The following ZNF536 variants were observed in gnomAD, a reference collection of about 807,000 sequenced individuals.
ZNF536 encodes zinc finger protein 536.
In ZNF536, 13 loss-of-function variants were observed where a neutral mutation model predicts 84.5. The observed-to-expected ratio is 0.15, with a 90% confidence interval of 0.10 to 0.24. The LOEUF (loss-of-function observed/expected upper bound fraction) is 0.24, where lower values mean the gene tolerates loss of function less well. ZNF536 is among the 10% of genes least tolerant of loss of function. The probability of loss-of-function intolerance (pLI) is 1.00; values close to 1 mark genes in which losing one functional copy is unlikely to be tolerated. For synonymous variants in ZNF536, 811 were observed against 742.5 expected (o/e 1.09, Z -1.50); for missense variants, 1,536 against 1,747.5 (o/e 0.88, Z 2.16).
At chr19:30,535,094 C>T (rs1003390605) in intron 3 of ZNF536, 95 bp downstream of exon 3, 78 of 1,420,204 alleles carry the variant, frequency 5.5e-5, no homozygotes, top group African/African-American at 8.6e-5. Context: ...CTGTGTGGGT[C>T]ACTAACTCTG....
intron 1 of ZNF536, among the ~76,000 whole-genome samples, chr19:30,678,168 C>T (rs2050825690): frequency 6.6e-6 from 1 of 152,218 alleles, no homozygotes. Context: ...CAAGGGGGTG[C>T]TGTCTTCAGG....
chr19:30,433,453 A>G (rs1171902864), intron 1 of ZNF536, among the ~76,000 whole-genome samples: 1 of 152,216 alleles, frequency 6.6e-6, no homozygotes, highest in East Asian at 1.9e-4. Context: ...GTCCCACTAT[A>G]TAGATCCTCT....
At chr19:30,297,333 G>A (rs2046030063) in intron 2 of ZNF536, among the ~76,000 whole-genome samples, 1 of 151,980 alleles carries the variant, frequency 6.6e-6, no homozygotes, top group Non-Finnish European at 1.5e-5. Context: ...GGTACGTGGG[G>A]GAAAGTTTAC....
intron 1 of ZNF536, among the ~76,000 whole-genome samples, chr19:30,414,259 C>A (rs1407336811): frequency 6.6e-6 from 1 of 151,874 alleles, no homozygotes; most frequent in African/African-American, 2.4e-5. Flanking sequence ...GAAACTGGTT[C>A]TCACATAAAG....
At position 30,405,958 on chromosome 19, in the gene ZNF536, C is replaced by T. The variant is rs565242802; in HGVS notation, c.-3+33402C>T. 4.8e-3 allele frequency among the ~76,000 whole-genome samples: 732 copies of T among 152,116 alleles called. 4 individuals carry two copies. Among genetic ancestry groups the T allele is most frequent in the African/African-American group, 0.017 (705 of 41,522 alleles). On this transcript the variant is annotated intron_variant, in intron 1 of 4. Transcript: ENST00000355537. ...ACACCCAGATAATTTTTGTATTTTTCGTAGAGACGGGATTTACCATGTTGT... is the reference window on the plus strand; with the variant it reads ...ACACCCAGATAATTTTTGTATTTTTTGTAGAGACGGGATTTACCATGTTGT...
chr19:30,429,606 T>C (rs1228017648), intron 1 of ZNF536, among the ~76,000 whole-genome samples: 1 of 152,098 alleles, frequency 6.6e-6, no homozygotes, highest in African/African-American at 2.4e-5. Context: ...CTTTTTCGAG[T>C]GAACAGTGCT....
intron 1 of ZNF536, among the ~76,000 whole-genome samples, chr19:30,619,259 T>C (rs543646837): frequency 6.6e-6 from 1 of 152,330 alleles, no homozygotes; most frequent in South Asian, 2.1e-4. Flanking sequence ...TTTGTTTGAT[T>C]GGTTTGATGG....
chr19:30,476,283 G>A (rs916937875), intron 2 of ZNF536, among the ~76,000 whole-genome samples: 3 of 152,162 alleles, frequency 2.0e-5, no homozygotes, highest in Non-Finnish European at 4.4e-5. Flanking sequence ...TTGGCCAGCC[G>A]TGGTGTTAAT....
intron 1 of ZNF536, among the ~76,000 whole-genome samples, chr19:30,612,359 C>A (rs1310044311): frequency 6.6e-6 from 1 of 152,170 alleles, no homozygotes; most frequent in South Asian, 2.1e-4. Flanking sequence ...GGACTCCATA[C>A]CCAACATTTC....
intron 2 of ZNF536, among the ~76,000 whole-genome samples, chr19:30,450,250 C>A (rs1308939413): frequency 6.6e-6 from 1 of 152,084 alleles, no homozygotes; most frequent in African/African-American, 2.4e-5. Context: ...GGTTGCTTGG[C>A]CCAGCTGCTT....
chr19:30,409,036 A>G (rs2050379404), intron 1 of ZNF536, among the ~76,000 whole-genome samples: 1 of 148,754 alleles, frequency 6.7e-6, no homozygotes, highest in Non-Finnish European at 1.5e-5. Flanking sequence ...CCATCCATCC[A>G]CTCATTCATC....
intron 1 of ZNF536, among the ~76,000 whole-genome samples, chr19:30,614,953 T>TAACCATCTTCC (rs2048232933): frequency 8.1e-5 from 5 of 61,610 alleles, no homozygotes; most frequent in African/African-American, 2.7e-4. Context: ...TTTTTTTTTT[T>TAACCATCTTCC]TTTTTTTTTT....
At chr19:30,564,841 T>G (rs1407448981) in intron 1 of ZNF536, among the ~76,000 whole-genome samples, 1 of 152,214 alleles carries the variant, frequency 6.6e-6, no homozygotes, top group Non-Finnish European at 1.5e-5. Context: ...GGAAGTAATG[T>G]GAGTTATGAC....
At chr19:30,452,864 A>G (rs1329649414) in intron 2 of ZNF536, among the ~76,000 whole-genome samples, 1 of 151,222 alleles carries the variant, frequency 6.6e-6, no homozygotes, top group Non-Finnish European at 1.5e-5. Context: ...TCGGCATCTG[A>G]TGGGTGCATC....
intron 1 of ZNF536, among the ~76,000 whole-genome samples, chr19:30,580,217 G>A (rs2046872078): frequency 6.6e-6 from 1 of 152,140 alleles, no homozygotes; most frequent in African/African-American, 2.4e-5. Flanking sequence ...AGAGAGCCCC[G>A]GGCTGGGGAC....
At chr19:30,358,045 G>A (rs999335770) in intron 3 of ZNF536, among the ~76,000 whole-genome samples, 3 of 152,236 alleles carry the variant, frequency 2.0e-5, no homozygotes, top group Admixed American at 1.3e-4. Flanking sequence ...CATCATGCAC[G>A]CAGGGTGAGT....
intron 1 of ZNF536, among the ~76,000 whole-genome samples, chr19:30,373,459 T>C (rs1341708001): frequency 6.6e-6 from 1 of 150,834 alleles, no homozygotes; most frequent in Non-Finnish European, 1.5e-5. Flanking sequence ...CAAAACAAAA[T>C]AAAATAAAAT....
At chr19:30,417,914 A>T (rs1403961044) in intron 1 of ZNF536, among the ~76,000 whole-genome samples, 2 of 151,086 alleles carry the variant, frequency 1.3e-5, no homozygotes, top group Non-Finnish European at 2.9e-5. Context: ...ATGCCCAGCA[A>T]TTTTTTTTTC....
intron 1 of ZNF536, among the ~76,000 whole-genome samples, chr19:30,596,544 A>G (rs921910430): frequency 6.6e-6 from 1 of 152,198 alleles, no homozygotes; most frequent in African/African-American, 2.4e-5. Flanking sequence ...TTAATCATCA[A>G]TCCACATCTA....
Sources: allele counts gnomAD v4.1 joint callset (sites outside exome capture counted in the v4.1 genomes callset), GRCh38; gene constraint gnomAD v4.1.1; transcripts MANE v1.5; gene names NCBI Gene and HGNC (gene_info 2026-07-23, HGNC 2026-07-21).